RASGEF1C: variants seen among roughly 807,000 people sequenced by gnomAD.
RASGEF1C encodes the protein RasGEF domain family member 1C.
Under a neutral mutation model 58.1 loss-of-function variants are expected in RASGEF1C, and 27 were observed. That is an observed-to-expected ratio of 0.46 (90% confidence interval 0.34 to 0.64). The LOEUF (loss-of-function observed/expected upper bound fraction) is 0.64. Ranked by LOEUF, RASGEF1C falls within the 30% of genes least tolerant of loss-of-function variation. RASGEF1C has a pLI of 0.01. For synonymous variants in RASGEF1C, 243 were observed against 246.3 expected (o/e 0.99, Z 0.13); for missense variants, 502 against 605.1 (o/e 0.83, Z 1.79).
At position 180,138,057 on chromosome 5, in the gene RASGEF1C, G is replaced by A; in HGVS notation, c.-5C>T. The A allele has an allele frequency of 6.7e-7, 1 of 1,487,966 alleles. No individual in the cohort carries two copies. The highest frequency in any genetic ancestry group is 8.9e-7 in the Non-Finnish European group (1 of 1,122,162). The allele number at this position is 1,487,966 out of a possible 1,614,324, so 92.2% of individuals were successfully genotyped here. On this transcript the variant is annotated splice_region_variant and 5_prime_UTR_variant, in exon 2 of 14. Transcript: ENST00000361132. ...GGCACTCAGCGTCTGTGGCATGTCT[G>A]CCTGCAATGGCAAGGAGCAGTGAGG...
intron 1 of RASGEF1C, among the ~76,000 whole-genome samples, chr5:180,204,616 C>CTA (rs1756457550): frequency 7.4e-5 from 11 of 149,114 alleles, no homozygotes; most frequent in African/African-American, 2.5e-4. Flanking sequence ...ATGGATATTC[C>CTA]TCTATCTATC....
intron 1 of RASGEF1C, among the ~76,000 whole-genome samples, chr5:180,208,405 C>T (rs1455497836): frequency 1.3e-5 from 2 of 152,180 alleles, no homozygotes; most frequent in Non-Finnish European, 2.9e-5. Context: ...CCAAGTCCCC[C>T]CAAGCATCGC....
chr5:180,113,666 C>T (rs1438496844), intron 11 of RASGEF1C, among the ~76,000 whole-genome samples: 1 of 92,568 alleles, frequency 1.1e-5, no homozygotes, highest in African/African-American at 4.8e-5. Flanking sequence ...GACGGAGGGA[C>T]CGGGGATGGA....
chr5:180,118,289 G>A (rs1404834100), intron 10 of RASGEF1C, among the ~76,000 whole-genome samples: 1 of 152,154 alleles, frequency 6.6e-6, no homozygotes, highest in African/African-American at 2.4e-5. Flanking sequence ...GGAGAAGAGA[G>A]GAGAGGCCAT....
chr5:180,117,975 C>G (rs1253998311), intron 10 of RASGEF1C, among the ~76,000 whole-genome samples: 1 of 127,152 alleles, frequency 7.9e-6, no homozygotes, highest in Non-Finnish European at 1.6e-5. Context: ...GCCTGGGCGA[C>G]AGAGAGAGAC....
Position 180,209,186 on chromosome 5 carries a change from G to A in RASGEF1C, c.-165C>T, listed in dbSNP as rs1330470477. 1.4e-5 allele frequency: 2 copies of A among 146,846 alleles called. No individual in the cohort carries two copies. Among genetic ancestry groups the A allele is most frequent in the Non-Finnish European group, 1.5e-5 (1 of 65,938 alleles). The allele number at this position is 146,846 out of a possible 1,614,324, so 9.1% of individuals were successfully genotyped here. A position where few individuals can be genotyped will look rare whatever the true frequency, so the allele number is the denominator to read the frequency against. On this transcript the variant is annotated 5_prime_UTR_variant, in exon 1 of 14. Transcript: ENST00000361132. ...GGCTCCCAGCGCAGCCCGCACGAGC[G>A]CCTGGCGGCGGCCCCGGAGCAACGC... is the stretch of plus-strand genomic sequence containing the variant.
rs1457171746 is a variant in RASGEF1C at position 180,143,170 on chromosome 5, A to C, written c.-6-5112T>G. ...GCAGAGAGACAGGCAGACAGGGGAC[A>C]GGATCCCACGTGCCACCCTGCAGGG... On this transcript the variant is annotated intron_variant, in intron 1 of 13. Coordinates refer to ENST00000361132, the MANE Select transcript of RASGEF1C (RefSeq NM_175062.4). This position sits in a 1 kb window ranked among gnomAD's most constrained non-coding sequence, Gnocchi z 4.3. Among the ~76,000 whole-genome samples, 3 of 152,290 alleles carry C rather than the reference A, an allele frequency of 2.0e-5. No individual in the cohort carries two copies. The East Asian group carries it at 5.8e-4, about 29-fold the overall frequency.
intron 5 of RASGEF1C, 107 bp downstream of exon 5, chr5:180,128,303 C>T (rs953838235): frequency 3.3e-5 from 35 of 1,063,848 alleles, no homozygotes; most frequent in Non-Finnish European, 5.0e-5. Context: ...AGGCCAGGGC[C>T]TCCTTCACAA....
chr5:180,173,096 C>G (rs1297715187), intron 1 of RASGEF1C, among the ~76,000 whole-genome samples: 2 of 152,228 alleles, frequency 1.3e-5, no homozygotes, highest in Non-Finnish European at 2.9e-5. Context: ...CTGCAGTTGA[C>G]AAGCCGCCTG....
rs1756331596 is a variant in RASGEF1C, at chr5:180,198,998, A to G, written c.-7+10030T>C. Among the ~76,000 whole-genome samples, 1 of 152,078 alleles carries G rather than the reference A, an allele frequency of 6.6e-6. No individual in the cohort carries two copies. Among genetic ancestry groups the G allele is most frequent in the African/African-American group, 2.4e-5 (1 of 41,412 alleles). ...AGGGAAACTGAGGCAGGAGCCCAAC[A>G]GTACCACAGCACATCCTGGCAAAGC... is the stretch of plus-strand genomic sequence containing the variant. On this transcript the variant is annotated intron_variant, in intron 1 of 13. Transcript: ENST00000361132. This position sits in a 1 kb window ranked among gnomAD's most constrained non-coding sequence, Gnocchi z 4.5.
chr5:180,168,455 C>A lies in RASGEF1C; in HGVS notation c.-6-30397G>T, dbSNP rs1160703170. ...TCTCAAAATAAATAAACAAAAAAAA[C>A]AACAACCAAAAAACTCCAGGGGATT... On this transcript the variant is annotated intron_variant, in intron 1 of 13. Coordinates refer to ENST00000361132, the MANE Select transcript of RASGEF1C (RefSeq NM_175062.4). The surrounding 1 kb of genome is among the most constrained non-coding windows in gnomAD (Gnocchi z 6.0). Among the ~76,000 whole-genome samples, 2 of 151,960 alleles carry A rather than the reference C, an allele frequency of 1.3e-5. No homozygotes were observed. The highest frequency in any genetic ancestry group is 6.6e-5 in the Admixed American group (1 of 15,246).
At chr5:180,171,079 T>A (rs1767100527) in intron 1 of RASGEF1C, among the ~76,000 whole-genome samples, 1 of 152,100 alleles carries the variant, frequency 6.6e-6, no homozygotes, top group Non-Finnish European at 1.5e-5. Context: ...GTGAGACGCG[T>A]GCAGCCAGGC....
intron 12 of RASGEF1C, among the ~76,000 whole-genome samples, chr5:180,110,556 A>G (rs945984560): frequency 2.0e-5 from 3 of 152,160 alleles, no homozygotes; most frequent in African/African-American, 7.2e-5. Context: ...GCTCAAGCCC[A>G]CAGGGCCACT....
intron 1 of RASGEF1C, among the ~76,000 whole-genome samples, chr5:180,157,407 A>T (rs1421404611): frequency 6.6e-6 from 1 of 152,052 alleles, no homozygotes; most frequent in Non-Finnish European, 1.5e-5. Context: ...GGATCACCTG[A>T]GGTCGGGAGT....
At chr5:180,207,941 C>T (rs1202227323) in intron 1 of RASGEF1C, among the ~76,000 whole-genome samples, 1 of 152,226 alleles carries the variant, frequency 6.6e-6, no homozygotes, top group Non-Finnish European at 1.5e-5. Flanking sequence ...AGATCTTGGC[C>T]ATGTCCTTGC....
chr5:180,113,056 ATCCGGG>A (rs2113243358), intron 11 of RASGEF1C, among the ~76,000 whole-genome samples: 2 of 112,268 alleles, frequency 1.8e-5, no homozygotes, highest in South Asian at 6.1e-4. Flanking sequence ...GGACGGAGGG[ATCCGGG>A]CTGGACGGAG....
At chr5:180,154,710 A>T (rs1766824549) in intron 1 of RASGEF1C, among the ~76,000 whole-genome samples, 1 of 151,790 alleles carries the variant, frequency 6.6e-6, no homozygotes, top group Admixed American at 6.6e-5. Flanking sequence ...CCTCCCGAGT[A>T]GCTGGGACTA....
At chr5:180,136,760 T>A in intron 3 of RASGEF1C, 1 of 546,482 alleles carries the variant, frequency 1.8e-6, no homozygotes. Flanking sequence ...CCATCCTCCC[T>A]GGTGAGTCTT....
chr5:180,129,091 GGAGA>G (rs1020342696), intron 4 of RASGEF1C, among the ~76,000 whole-genome samples: 1 of 152,228 alleles, frequency 6.6e-6, no homozygotes, highest in African/African-American at 2.4e-5. Flanking sequence ...CTGTTGTCTG[GGAGA>G]GAGACAGGAG....
Sources: gnomAD v4.1 joint callset for allele counts (sites outside exome capture counted in the v4.1 genomes callset) on GRCh38, gnomAD v4.1.1 for gene constraint, Gnocchi (gnomAD v3.1) non-coding constraint, MANE v1.5 for transcripts, NCBI Gene and HGNC (gene_info 2026-07-23, HGNC 2026-07-21) for gene names.